STX18: variants seen among roughly 807,000 people sequenced by gnomAD.
STX18 encodes the protein syntaxin-18.
A neutral mutation model predicts 50.1 loss-of-function variants in STX18; 40 were observed. That is an observed-to-expected ratio of 0.80 (90% CI 0.62 to 1.04). STX18 has a LOEUF of 1.04. STX18 is among the 50% of genes least tolerant of loss of function. STX18 has a pLI of 0.00. For synonymous variants in STX18, 158 were observed against 151.8 expected (o/e 1.04, Z -0.30); for missense variants, 410 against 415.8 (o/e 0.99, Z 0.12).
Position 4,420,152 on chromosome 4 carries a change from G to A in STX18, c.913-23C>T. 4 of 1,589,276 alleles carry A rather than the reference G, an allele frequency of 2.5e-6. No homozygotes were observed. Among genetic ancestry groups the A allele is most frequent in the Non-Finnish European group, 3.4e-6 (4 of 1,167,742 alleles). ...GGCCTGGGCAGGGACGGGAGCACAG[G>A]TGTTTTTATCACACAGGATTTTGGT... is the stretch of plus-strand genomic sequence containing the variant. On this transcript the variant is annotated intron_variant, in intron 10 of 10. Transcript: ENST00000306200. This position sits in a 1 kb window ranked among gnomAD's most constrained non-coding sequence, Gnocchi z 4.3.
intron 2 of STX18, among the ~76,000 whole-genome samples, chr4:4,466,412 C>G (rs1258674515): frequency 6.6e-6 from 1 of 152,076 alleles, no homozygotes; most frequent in Non-Finnish European, 1.5e-5. Flanking sequence ...TCTTGCTTAT[C>G]TAAGAAGTAT....
intron 1 of STX18, among the ~76,000 whole-genome samples, chr4:4,528,851 A>G (rs1235706145): frequency 1.3e-5 from 2 of 152,128 alleles, no homozygotes; most frequent in African/African-American, 4.8e-5. Flanking sequence ...CAATTCTAAA[A>G]AGCCATCTCA....
Position 4,518,619 on chromosome 4 carries a change from T to TA in STX18, c.168+23177dup, listed in dbSNP as rs1346655193. ...CTACTTAAGAAAACATAAGGGTTTTTAAAAAAAAGATATACAAGCTATAAA... is the reference window on the plus strand; with the variant it reads ...CTACTTAAGAAAACATAAGGGTTTTTAAAAAAAAAGATATACAAGCTATAAA... On this transcript the variant is annotated intron_variant, in intron 1 of 10. Transcript: ENST00000306200. Among the ~76,000 whole-genome samples the TA allele has an allele frequency of 2.6e-5, 4 of 151,956 alleles. No homozygotes were observed. In the East Asian group the frequency reaches 5.8e-4, roughly 22 times the overall value.
chr4:4,521,971 A>G (rs1034388874), intron 1 of STX18, among the ~76,000 whole-genome samples: 3 of 152,186 alleles, frequency 2.0e-5, no homozygotes, highest in African/African-American at 7.2e-5. Context: ...CCAGGCTCAC[A>G]ATTGCAAGCT....
intron 3 of STX18, among the ~76,000 whole-genome samples, chr4:4,458,217 C>CA: frequency 6.6e-6 from 1 of 152,302 alleles, no homozygotes; most frequent in South Asian, 2.1e-4. Flanking sequence ...GGTTCAGAGG[C>CA]AATAAATAGC....
In STX18 at chr4:4,469,694, A is replaced by G. The variant is rs1727814629; in HGVS notation, c.236+1945T>C. Among the ~76,000 whole-genome samples, 3 of 152,104 alleles carry G rather than the reference A, an allele frequency of 2.0e-5. 1 individual carries two copies. The highest frequency in any genetic ancestry group is 2.0e-4 in the Admixed American group (3 of 15,280). On this transcript the variant is annotated intron_variant, in intron 2 of 10. Transcript: ENST00000306200. The stretch of plus-strand genomic sequence containing the variant: ...GTGATGACATAAAGGATGCACTCGC[A>G]CCACTTCTCAGGTACTGCTGCATTC...
intron 3 of STX18, 43 bp downstream of exon 3, chr4:4,459,329 C>CTAT (rs1410188049): frequency 4.2e-6 from 6 of 1,413,198 alleles, no homozygotes; most frequent in Non-Finnish European, 5.0e-6. Context: ...TAACTACTTG[C>CTAT]TATATTCATG....
intron 1 of STX18, among the ~76,000 whole-genome samples, chr4:4,489,391 ATTTTTTTTTTTTTTTTTTTT>A (rs34563523): frequency 3.9e-4 from 20 of 51,676 alleles, no homozygotes; most frequent in South Asian, 2.6e-3. Flanking sequence ...ATGCAAAATA[ATTTTTTTTTTTTTTTTTTTT>A]TTTTTTTTTT....
intron 1 of STX18, among the ~76,000 whole-genome samples, chr4:4,496,204 A>G (rs544984378): frequency 6.6e-6 from 1 of 152,302 alleles, no homozygotes; most frequent in South Asian, 2.1e-4. Flanking sequence ...CGAGATGAAC[A>G]CTGATTTCTT....
chr4:4,534,718 T>C (rs1731252930), intron 1 of STX18, among the ~76,000 whole-genome samples: 1 of 152,210 alleles, frequency 6.6e-6, no homozygotes, highest in Non-Finnish European at 1.5e-5. Context: ...CTAACAACGC[T>C]CTCATCTAAG....
chr4:4,481,272 C>T (rs1728446938), intron 1 of STX18, among the ~76,000 whole-genome samples: 1 of 152,200 alleles, frequency 6.6e-6, no homozygotes, highest in Non-Finnish European at 1.5e-5. Context: ...CAAACCCCCT[C>T]ACCCTTCCCA....
intron 1 of STX18, among the ~76,000 whole-genome samples, chr4:4,527,312 A>G (rs1451250737): frequency 6.6e-6 from 1 of 152,200 alleles, no homozygotes; most frequent in Non-Finnish European, 1.5e-5. Flanking sequence ...TTGGGAATTC[A>G]CTCACAAAAA....
At chr4:4,506,139 A>T (rs1159224649) in intron 1 of STX18, among the ~76,000 whole-genome samples, 4 of 152,232 alleles carry the variant, frequency 2.6e-5, no homozygotes, top group African/African-American at 9.6e-5. Context: ...GTGTACAGGC[A>T]GTTTCTTATA....
intron 2 of STX18, among the ~76,000 whole-genome samples, chr4:4,465,796 C>G (rs1404580927): frequency 2.0e-5 from 3 of 152,164 alleles, no homozygotes; most frequent in Non-Finnish European, 4.4e-5. Context: ...GCTATCTGTA[C>G]TGTTTTTGCA....
intron 3 of STX18, 21 bp downstream of exon 3, chr4:4,459,351 G>C (rs747604627): frequency 1.3e-6 from 2 of 1,572,882 alleles, no homozygotes; most frequent in South Asian, 1.1e-5. Context: ...TTGCTTGTTT[G>C]CATCTTTCAG....
intron 1 of STX18, among the ~76,000 whole-genome samples, chr4:4,485,609 G>C (rs1577365298): frequency 6.6e-6 from 1 of 152,126 alleles, no homozygotes; most frequent in Non-Finnish European, 1.5e-5. Context: ...AGAGGCCCTA[G>C]GGAACAAAAC....
intron 2 of STX18, among the ~76,000 whole-genome samples, chr4:4,469,436 T>C (rs540599863): frequency 1.3e-5 from 2 of 152,252 alleles, no homozygotes; most frequent in East Asian, 3.9e-4. Context: ...CGACAGGGCC[T>C]GTTGGCTTAA....
chr4:4,453,616 C>G (rs1726881280), intron 5 of STX18: 1 of 942,460 alleles, frequency 1.1e-6, no homozygotes, highest in East Asian at 1.2e-4. Context: ...TGTCTGGAAC[C>G]ACACCTGTGA....
chr4:4,488,900 A>G (rs768278304), intron 1 of STX18, among the ~76,000 whole-genome samples: 41 of 152,320 alleles, frequency 2.7e-4, no homozygotes, highest in Non-Finnish European at 4.7e-4. Context: ...TCACATCAGC[A>G]AAGAGAATAG....
Sources: allele counts gnomAD v4.1 joint callset (sites outside exome capture counted in the v4.1 genomes callset), GRCh38; gene constraint gnomAD v4.1.1; non-coding constraint Gnocchi (gnomAD v3.1); transcripts MANE v1.5; gene names NCBI Gene and HGNC (gene_info 2026-07-23, HGNC 2026-07-21).